The following ESRRG variants were observed in gnomAD, a reference collection of about 807,000 sequenced individuals.
ESRRG encodes estrogen-related receptor gamma.
Under a neutral mutation model 44.0 loss-of-function variants are expected in ESRRG, and 13 were observed. The ratio of observed to expected loss-of-function variants is 0.30; its 90% CI spans 0.19 to 0.47. The LOEUF is 0.47. ESRRG is among the 20% of genes least tolerant of loss of function. The pLI is 1.00. For missense variants in ESRRG, 395 were observed against 580.6 expected (o/e 0.68, Z 3.29); for synonymous variants, 215 against 214.6 (o/e 1.00, Z -0.02).
At chr1:216,806,781 C>T (rs2094806513) in intron 2 of ESRRG, among the ~76,000 whole-genome samples, 1 of 152,132 alleles carries the variant, frequency 6.6e-6, no homozygotes, top group African/African-American at 2.4e-5. Context: ...GTGCATCTTG[C>T]CAGGACTGGA....
chr1:217,112,359 T>C (rs2092670767), intron 1 of ESRRG, among the ~76,000 whole-genome samples: 1 of 152,060 alleles, frequency 6.6e-6, no homozygotes, highest in African/African-American at 2.4e-5. Flanking sequence ...CTTGAGGAGA[T>C]AGATATGAAA....
At chr1:216,937,104 T>G (rs1160838549) in intron 2 of ESRRG, among the ~76,000 whole-genome samples, 1 of 151,474 alleles carries the variant, frequency 6.6e-6, no homozygotes, top group African/African-American at 2.4e-5. Flanking sequence ...GTACTCTGTA[T>G]AGTAACAAAA....
chr1:217,051,382 G>C (rs1450366215), intron 1 of ESRRG, among the ~76,000 whole-genome samples: 1 of 152,164 alleles, frequency 6.6e-6, no homozygotes, highest in African/African-American at 2.4e-5. Flanking sequence ...CTGTCCTACT[G>C]TTCAGGTTCA....
Position 216,875,749 on chromosome 1 carries a change from G to A in ESRRG, c.-14+63833C>T, listed in dbSNP as rs11572538. On this transcript the variant is annotated intron_variant, in intron 2 of 7. Transcript: ENST00000359162. ...TGAAGATATTTCGTATGTATCTTTT[G>A]GTGCATATTCTGTTGGGTGTATACC... Among the ~76,000 whole-genome samples the A allele has an allele frequency of 9.7e-3, 1,479 of 152,040 alleles. 21 individuals are homozygous for A. The highest frequency in any genetic ancestry group is 0.034 in the African/African-American group (1,391 of 41,444).
intron 1 of ESRRG, among the ~76,000 whole-genome samples, chr1:217,073,513 T>C (rs2090875994): frequency 6.6e-6 from 1 of 152,168 alleles, no homozygotes; most frequent in Non-Finnish European, 1.5e-5. Context: ...TGCAGGTCAC[T>C]TCAAATGTGG....
chr1:216,634,131 A>T (rs1475817119), intron 3 of ESRRG, among the ~76,000 whole-genome samples: 2 of 152,178 alleles, frequency 1.3e-5, no homozygotes, highest in African/African-American at 2.4e-5. Flanking sequence ...TTCCTTTTCC[A>T]CGCTCAGCCC....
At chr1:216,718,224 A>T (rs2085330629) in intron 1 of ESRRG, among the ~76,000 whole-genome samples, 1 of 152,004 alleles carries the variant, frequency 6.6e-6, no homozygotes, top group Admixed American at 6.6e-5. Flanking sequence ...ACTGATTAGA[A>T]TAATACTTGA....
At position 216,612,062 on chromosome 1, in the gene ESRRG, A is replaced by G. The variant is rs965284135; in HGVS notation, c.589+38911T>C. ...GAGTTTGGACTTTTTCCTATGCAGT[A>G]AAAAAGACAGGTCAGGCACAAGTCA... On this transcript the variant is annotated intron_variant, in intron 3 of 6. Transcript: ENST00000408911. 3.4e-4 allele frequency among the ~76,000 whole-genome samples: 52 copies of G among 152,200 alleles called. 1 individual carries two copies. The highest frequency in any genetic ancestry group is 1.0e-4 in the Non-Finnish European group (7 of 68,026).
chr1:217,104,615 A>G (rs1309923099), intron 1 of ESRRG, among the ~76,000 whole-genome samples: 1 of 152,192 alleles, frequency 6.6e-6, no homozygotes, highest in Admixed American at 6.5e-5. Flanking sequence ...AGATATCCTC[A>G]TCTTATCAGT....
At chr1:216,884,476 T>C (rs1385190084) in intron 2 of ESRRG, among the ~76,000 whole-genome samples, 3 of 152,188 alleles carry the variant, frequency 2.0e-5, no homozygotes, top group African/African-American at 7.2e-5. Flanking sequence ...ATGTGTGCAG[T>C]GGCTGCCCGA....
At chr1:217,066,557 C>T (rs1156406623) in intron 1 of ESRRG, among the ~76,000 whole-genome samples, 1 of 152,132 alleles carries the variant, frequency 6.6e-6, no homozygotes, top group Non-Finnish European at 1.5e-5. Flanking sequence ...GGGGAGAATT[C>T]TAATCATGAA....
intron 1 of ESRRG, among the ~76,000 whole-genome samples, chr1:216,991,940 A>C (rs1487374159): frequency 2.6e-5 from 4 of 152,200 alleles, no homozygotes; most frequent in Non-Finnish European, 5.9e-5. Context: ...GTTCCACTTC[A>C]TTCCATCTTG....
chr1:216,711,396 G>C (rs1332016567), intron 1 of ESRRG, among the ~76,000 whole-genome samples: 1 of 152,080 alleles, frequency 6.6e-6, no homozygotes. Context: ...TACTTCTCTG[G>C]GGGAAATACA....
chr1:217,025,732 CA>C (rs1384616498), intron 1 of ESRRG, among the ~76,000 whole-genome samples: 2 of 152,214 alleles, frequency 1.3e-5, no homozygotes, highest in East Asian at 3.9e-4. Context: ...TAATCAAAGT[CA>C]AATGTCCTGA....
intron 1 of ESRRG, among the ~76,000 whole-genome samples, chr1:216,693,324 G>T (rs1250842005): frequency 6.6e-6 from 1 of 152,156 alleles, no homozygotes; most frequent in Admixed American, 6.5e-5. Flanking sequence ...TAGGGATGGG[G>T]TCTTGCGATG....
At chr1:216,818,209 G>A (rs1234891787) in intron 2 of ESRRG, among the ~76,000 whole-genome samples, 1 of 152,122 alleles carries the variant, frequency 6.6e-6, no homozygotes, top group Non-Finnish European at 1.5e-5. Flanking sequence ...ATTATTGATG[G>A]GGGGAAATGA....
intron 1 of ESRRG, among the ~76,000 whole-genome samples, chr1:217,051,262 G>C (rs974839870): frequency 2.1e-5 from 3 of 146,172 alleles, no homozygotes; most frequent in South Asian, 2.2e-4. Context: ...TTGAACCTAA[G>C]AGGGTTTCCC....
chr1:216,698,220 T>G (rs1156687317), intron 1 of ESRRG, among the ~76,000 whole-genome samples: 3 of 152,118 alleles, frequency 2.0e-5, no homozygotes, highest in East Asian at 1.9e-4. Context: ...GTTAGATGTA[T>G]AAGATTGCAA....
At chr1:216,644,939 C>T (rs2067227613) in intron 3 of ESRRG, among the ~76,000 whole-genome samples, 1 of 152,120 alleles carries the variant, frequency 6.6e-6, no homozygotes, top group African/African-American at 2.4e-5. Flanking sequence ...AAGTAACAAA[C>T]TTCAAATAAA....
Sources: gnomAD v4.1 joint callset for allele counts (sites outside exome capture counted in the v4.1 genomes callset) on GRCh38, gnomAD v4.1.1 for gene constraint, MANE v1.5 for transcripts, NCBI Gene and HGNC (gene_info 2026-07-23, HGNC 2026-07-21) for gene names.